The following DTNBP1 variants were observed in gnomAD, a reference collection of about 807,000 sequenced individuals.
DTNBP1 encodes the protein dystrobrevin binding protein 1, also known as dysbindin.
A neutral mutation model predicts 42.8 loss-of-function variants in DTNBP1; 35 were observed. That is an observed-to-expected ratio of 0.82 (90% confidence interval 0.63 to 1.09). DTNBP1 has a LOEUF of 1.09. Among genes scored for constraint, DTNBP1 ranks in the 50% least tolerant of loss-of-function variants. The probability of loss-of-function intolerance (pLI) is 0.00; values close to 1 mark genes in which losing one functional copy is unlikely to be tolerated. For synonymous variants in DTNBP1, 171 were observed against 162.2 expected (o/e 1.05, Z -0.41); for missense variants, 457 against 424.2 (o/e 1.08, Z -0.68).
intron 5 of DTNBP1, among the ~76,000 whole-genome samples, chr6:15,625,745 A>T (rs1759302803): frequency 6.6e-6 from 1 of 152,238 alleles, no homozygotes; most frequent in African/African-American, 2.4e-5. Context: ...GAAATAAAAG[A>T]GGTTATCATA....
Position 15,615,355 on chromosome 6 carries a change from G to C in DTNBP1, c.400C>G (p.His134Asp). The C allele has an allele frequency of 6.2e-7, 1 of 1,614,066 alleles. No individual in the cohort carries two copies. Among genetic ancestry groups the C allele is most frequent in the Non-Finnish European group, 8.5e-7 (1 of 1,180,004 alleles). Residue 134 changes from histidine to aspartate, a missense_variant, in exon 6 of 10, where the codon CAT (histidine) becomes GAT (aspartate). Coordinates refer to ENST00000344537, the MANE Select transcript of DTNBP1 (RefSeq NM_032122.5). ...CACTGCCCACATAAGTCTTCCAGAT[G>C]CAGCAGGTTGTTCTCTACCTCCTCA... ...SFEEVENNLL[H>D]LEDLCGQCEL...
At chr6:15,524,157 G>A (rs78330275) in intron 9 of DTNBP1, 10 of 1,423,582 alleles carry the variant, frequency 7.0e-6, no homozygotes, top group African/African-American at 1.4e-5. Flanking sequence ...CACGAAGAGG[G>A]AAGAGTTTCC....
intron 7 of DTNBP1, among the ~76,000 whole-genome samples, chr6:15,534,881 C>T (rs939141191): frequency 1.3e-5 from 2 of 152,056 alleles, no homozygotes; most frequent in African/African-American, 4.8e-5. Context: ...GGACCAGTGA[C>T]CCTTCAAGGT....
chr6:15,609,674 C>T (rs942325018), intron 6 of DTNBP1, among the ~76,000 whole-genome samples: 1 of 152,202 alleles, frequency 6.6e-6, no homozygotes, highest in African/African-American at 2.4e-5. Flanking sequence ...AGGTTTTAAA[C>T]AATATTGTTT....
intron 2 of DTNBP1, 84 bp from the exon 3 acceptor site, chr6:15,651,447 T>C (rs768894641): frequency 1.1e-5 from 17 of 1,528,698 alleles, no homozygotes; most frequent in Non-Finnish European, 1.4e-5. Context: ...AATTTTGACA[T>C]TGTCAATTGT....
At chr6:15,585,916 A>G in intron 7 of DTNBP1, 1 of 1,399,468 alleles carries the variant, frequency 7.1e-7, no homozygotes, top group Non-Finnish European at 9.3e-7. Flanking sequence ...AATTGTAGTA[A>G]GCCTATTAGT....
At chr6:15,569,029 T>C (rs1004825031) in intron 7 of DTNBP1, among the ~76,000 whole-genome samples, 12 of 152,180 alleles carry the variant, frequency 7.9e-5, no homozygotes, top group African/African-American at 2.9e-4. Flanking sequence ...GGTGAAACCA[T>C]CCTCACAGGC....
intron 7 of DTNBP1, among the ~76,000 whole-genome samples, chr6:15,581,937 A>T (rs769065415): frequency 1.8e-4 from 27 of 152,190 alleles, no homozygotes; most frequent in Non-Finnish European, 3.5e-4. Flanking sequence ...CTGAGCTTCA[A>T]CCCACATCTC....
intron 7 of DTNBP1, among the ~76,000 whole-genome samples, chr6:15,537,084 G>T (rs1009069906): frequency 6.6e-6 from 1 of 152,164 alleles, no homozygotes; most frequent in African/African-American, 2.4e-5. Context: ...TGGGCTCCTA[G>T]GCTAGACATT....
chr6:15,634,099 GT>G (rs1055724912), intron 4 of DTNBP1, among the ~76,000 whole-genome samples: 16 of 152,206 alleles, frequency 1.1e-4, no homozygotes, highest in African/African-American at 3.6e-4. Context: ...TGTTCTAGGT[GT>G]TTCTCTTGTC....
intron 7 of DTNBP1, chr6:15,579,984 G>A: frequency 4.3e-6 from 1 of 232,732 alleles, no homozygotes; most frequent in Non-Finnish European, 9.1e-6. Context: ...AATAATAAAA[G>A]CAAAACAATT....
intron 7 of DTNBP1, among the ~76,000 whole-genome samples, chr6:15,566,047 C>A (rs1217811750): frequency 1.3e-5 from 2 of 152,152 alleles, no homozygotes; most frequent in Non-Finnish European, 2.9e-5. Context: ...ACATAAAATT[C>A]TTCACGCCTG....
chr6:15,625,216 G>A (rs1301429152), intron 5 of DTNBP1, among the ~76,000 whole-genome samples: 2 of 152,042 alleles, frequency 1.3e-5, no homozygotes, highest in Non-Finnish European at 2.9e-5. Flanking sequence ...TATTTCAAAG[G>A]CTAACAGATA....
chr6:15,576,222 G>T (rs1319595181), intron 7 of DTNBP1, among the ~76,000 whole-genome samples: 1 of 151,812 alleles, frequency 6.6e-6, no homozygotes, highest in Non-Finnish European at 1.5e-5. Context: ...GAGTTAAAGC[G>T]ATTCTCCTGC....
intron 1 of DTNBP1, among the ~76,000 whole-genome samples, chr6:15,659,575 C>T (rs1213050996): frequency 4.4e-5 from 6 of 136,430 alleles, no homozygotes; most frequent in South Asian, 2.3e-4. Flanking sequence ...TTTTTTGAGA[C>T]GGAGTCTCCC....
intron 7 of DTNBP1, among the ~76,000 whole-genome samples, chr6:15,555,584 C>T (rs1194249353): frequency 4.6e-5 from 7 of 152,162 alleles, no homozygotes; most frequent in Non-Finnish European, 7.3e-5. Flanking sequence ...AATGCATTAG[C>T]ATGCTAAAAG....
At chr6:15,624,925 C>T (rs956171727) in intron 5 of DTNBP1, among the ~76,000 whole-genome samples, 2 of 151,992 alleles carry the variant, frequency 1.3e-5, no homozygotes, top group African/African-American at 4.8e-5. Flanking sequence ...ATTAATGGTA[C>T]AGATACATGT....
intron 7 of DTNBP1, among the ~76,000 whole-genome samples, chr6:15,544,433 A>C (rs1043090665): frequency 6.6e-6 from 1 of 152,236 alleles, no homozygotes; most frequent in African/African-American, 2.4e-5. Flanking sequence ...CCAAGAGTGC[A>C]ACTGCTGGGT....
intron 7 of DTNBP1, among the ~76,000 whole-genome samples, chr6:15,590,914 G>A (rs1306975326): frequency 6.6e-6 from 1 of 152,110 alleles, no homozygotes. Flanking sequence ...ATTTAGAAAA[G>A]AGCTTCTAAA....
Sources: gnomAD v4.1 joint callset for allele counts (sites outside exome capture counted in the v4.1 genomes callset) on GRCh38, gnomAD v4.1.1 for gene constraint, MANE v1.5 for transcripts, NCBI Gene and HGNC (gene_info 2026-07-23, HGNC 2026-07-21) for gene names.